NFASC: variants seen among roughly 807,000 people sequenced by gnomAD.
NFASC encodes the protein neurofascin homolog.
NFASC carries 43 observed loss-of-function variants against 147.5 expected under a neutral mutation model. That is an observed-to-expected ratio of 0.29 (90% confidence interval 0.23 to 0.38). NFASC has a LOEUF of 0.38. Among genes scored for constraint, NFASC ranks in the 10% least tolerant of loss-of-function variants. The pLI is 1.00. For synonymous variants in NFASC, 622 were observed against 665.5 expected, an observed-to-expected ratio of 0.93 and a Z score of 1.01; for missense variants, 1,320 against 1,689.0, an observed-to-expected ratio of 0.78 and a Z score of 3.83.
intron 21 of NFASC, chr1:204,984,132 G>A: frequency 6.2e-7 from 1 of 1,612,796 alleles, no homozygotes; most frequent in East Asian, 2.2e-5. Context: ...GGCCAGCTCA[G>A]AGAGTACCGA....
chr1:204,962,037 T>C, intron 8 of NFASC: 3 of 1,219,860 alleles, frequency 2.5e-6, no homozygotes, highest in Non-Finnish European at 3.6e-6. Context: ...GCATTTGTTT[T>C]CTCTCCCCGT....
At chr1:204,970,553 T>C (rs2095204349) in intron 10 of NFASC, 63 bp from the exon 11 acceptor site, 2 of 1,599,746 alleles carry the variant, frequency 1.3e-6, no homozygotes, top group Admixed American at 1.7e-5. Context: ...GGGAGACTGC[T>C]TGGTTTCTTC....
chr1:204,952,023 C>T lies in NFASC; in HGVS notation c.122C>T (p.Pro41Leu). The T allele has an allele frequency of 1.2e-6, 2 of 1,614,076 alleles. No individual in the cohort carries two copies. The highest frequency in any genetic ancestry group is 1.7e-6 in the Non-Finnish European group (2 of 1,179,982). ...PSIQNELTQP[P>L]TITKQSAKDH... Reference sequence around the variant, plus strand: ...TGCACTGTTGCAGTGACGCAGCCGCCAACCATCACCAAGCAGTCAGCGAAG... The same window carrying T: ...TGCACTGTTGCAGTGACGCAGCCGCTAACCATCACCAAGCAGTCAGCGAAG... The change falls in exon 5 of 30, where the codon CCA becomes CTA. Residue 41 changes from proline to leucine, a missense_variant. This residue lies in a region of NFASC where 981 missense variants were observed against 1,289.5 expected (regional missense o/e 0.76). Transcript: ENST00000339876.
intron 17 of NFASC, 62 bp downstream of exon 17, chr1:204,977,787 C>G (rs960910344): frequency 5.3e-6 from 8 of 1,514,264 alleles, no homozygotes; most frequent in Non-Finnish European, 7.3e-6. Context: ...GGTGTGGAGT[C>G]TGGGAGAAGG....
intron 8 of NFASC, among the ~76,000 whole-genome samples, chr1:204,965,897 C>T (rs747739588): frequency 6.6e-6 from 1 of 152,210 alleles, no homozygotes; most frequent in Non-Finnish European, 1.5e-5. Context: ...GAACCTTGGG[C>T]AAGTCTGTTG....
intron 1 of NFASC, among the ~76,000 whole-genome samples, chr1:204,905,681 T>G (rs138843154): frequency 2.0e-5 from 3 of 152,212 alleles, no homozygotes; most frequent in African/African-American, 7.2e-5. Flanking sequence ...AGTTTCATTA[T>G]CCTTTTCTCT....
rs748158584 is a variant in NFASC, at chr1:204,968,334, C to T, written c.792C>T (p.Leu264=). The change falls in exon 9 of 30, where the codon CTC becomes CTT. Residue 264 remains leucine, a synonymous_variant. Transcript: ENST00000339876. This position sits in a 1 kb window ranked among gnomAD's most constrained non-coding sequence, Gnocchi z 5.4. Reference sequence around the variant, plus strand: ...AGATGGTGCTTCGTGGCATGGACCTCCTGCTGGAATGCATCGCCTCCGGGG... The same window carrying T: ...AGATGGTGCTTCGTGGCATGGACCTTCTGCTGGAATGCATCGCCTCCGGGG... ...SSQMVLRGMD[L]LLECIASGVP... 5 of 1,614,028 alleles carry T rather than the reference C, an allele frequency of 3.1e-6. No individual in the cohort carries two copies. Among genetic ancestry groups the T allele is most frequent in the African/African-American group, 1.3e-5 (1 of 74,930 alleles).
intron 1 of NFASC, among the ~76,000 whole-genome samples, chr1:204,895,813 A>G (rs935473360): frequency 2.0e-5 from 3 of 152,168 alleles, no homozygotes; most frequent in East Asian, 1.9e-4. Context: ...TTAAGACCCT[A>G]CATTTGAATT....
intron 25 of NFASC, chr1:204,998,754 C>CA (rs2095906144): frequency 1.3e-5 from 2 of 152,150 alleles, no homozygotes; most frequent in South Asian, 4.1e-4. Flanking sequence ...TTGTGTCCTA[C>CA]AAGTGCTTTG....
intron 1 of NFASC, among the ~76,000 whole-genome samples, chr1:204,846,868 G>A (rs1349074690): frequency 6.6e-6 from 1 of 152,096 alleles, no homozygotes; most frequent in African/African-American, 2.4e-5. Context: ...CAGCTGGGCA[G>A]CTGGCACTTG....
At chr1:204,836,167 CGTGT>C (rs372071605) in intron 1 of NFASC, among the ~76,000 whole-genome samples, 1 of 150,556 alleles carries the variant, frequency 6.6e-6, no homozygotes, top group Non-Finnish European at 1.5e-5. Context: ...TCTGTGTGTG[CGTGT>C]GTGTGTGTGT....
At position 204,981,803 on chromosome 1, in the gene NFASC, G is replaced by A. The variant is rs1558355104; in HGVS notation, c.2253G>A (p.Met751Ile). 5 of 1,556,444 alleles carry A rather than the reference G, an allele frequency of 3.2e-6. No individual in the cohort carries two copies. The Admixed American group carries it at 9.3e-5, about 29-fold the overall frequency. ...KNNMEITWTPMNATSAFGPNL... is the reference protein window; with the variant it reads ...KNNMEITWTPINATSAFGPNL... ...CTGTCTGTCCCTCTGCCCAGCCCAT[G>A]AATGCCACCTCGGCCTTTGGCCCCA... The change falls in exon 21 of 30, where the codon ATG becomes ATA. Residue 751 changes from methionine to isoleucine, a missense_variant. By Grantham distance (10) the Met-to-Ile change is conservative. Transcript: ENST00000339876.
At chr1:204,997,431 C>T (rs371968864) in intron 25 of NFASC, 25 bp downstream of exon 25, 16 of 1,551,564 alleles carry the variant, frequency 1.0e-5, no homozygotes, top group Middle Eastern at 3.3e-4. Context: ...CCATGCTCCC[C>T]ATCCCCTCCT....
intron 24 of NFASC, among the ~76,000 whole-genome samples, chr1:204,992,214 G>A (rs1451328384): frequency 6.6e-6 from 1 of 152,184 alleles, no homozygotes; most frequent in Non-Finnish European, 1.5e-5. Flanking sequence ...AATGAGAACA[G>A]GATTCACCCT....
intron 2 of NFASC, among the ~76,000 whole-genome samples, chr1:204,934,052 C>A (rs2092612171): frequency 6.6e-6 from 1 of 150,786 alleles, no homozygotes; most frequent in Non-Finnish European, 1.5e-5. Flanking sequence ...GTAGGAAAAT[C>A]ACTTGAACCC....
chr1:204,986,058 A>C lies in NFASC; in HGVS notation c.2471-1360A>C. The C allele has an allele frequency of 6.2e-7, 1 of 1,614,174 alleles. No homozygotes were observed. The highest frequency in any genetic ancestry group is 1.7e-5 in the Admixed American group (1 of 60,030). ...TACAAGCTGGAGATGGTTGTGGTCA[A>C]TGGGAGAGGTGATGGGCCTCGCAGT... On this transcript the variant is annotated intron_variant, in intron 21 of 29. Coordinates refer to ENST00000339876, the MANE Select transcript of NFASC (RefSeq NM_001005388.3). This position sits in a 1 kb window ranked among gnomAD's most constrained non-coding sequence, Gnocchi z 4.2.
In NFASC at chr1:204,984,109, C is replaced by T. The variant is rs370114778; in HGVS notation, c.2470+2089C>T. 8.6e-5 allele frequency: 138 copies of T among 1,613,882 alleles called. No individual in the cohort carries two copies. The highest frequency in any genetic ancestry group is 1.6e-4 in the Middle Eastern group (1 of 6,062). On this transcript the variant is annotated intron_variant, in intron 21 of 29. Transcript: ENST00000339876. ...GCCTTCAGTGGAACCGCGTCTACTC[C>T]GACACGGTCCAGGGCCAGCTCAGAG...
chr1:204,856,418 T>TGTGTGTGTGTGTGTGA (rs1320968276), intron 1 of NFASC, among the ~76,000 whole-genome samples: 7 of 151,062 alleles, frequency 4.6e-5, no homozygotes, highest in African/African-American at 1.7e-4. Context: ...TGTGTGTGTG[T>TGTGTGTGTGTGTGTGA]GATTGTGTGA....
intron 2 of NFASC, among the ~76,000 whole-genome samples, chr1:204,943,691 C>T (rs74951294): frequency 0.015 from 2,251 of 152,304 alleles, 51 homozygotes; most frequent in African/African-American, 0.051. Flanking sequence ...GACATCAGTG[C>T]GATCTCATCT....
Sources: allele counts gnomAD v4.1 joint callset (sites outside exome capture counted in the v4.1 genomes callset), GRCh38; gene constraint gnomAD v4.1.1; regional missense constraint gnomAD v4.1.1; non-coding constraint Gnocchi (gnomAD v3.1); transcripts MANE v1.5; gene names NCBI Gene and HGNC (gene_info 2026-07-23, HGNC 2026-07-21).